The following KMT5B variants were observed in gnomAD, a reference collection of about 807,000 sequenced individuals.
KMT5B encodes histone-lysine N-methyltransferase KMT5B.
KMT5B carries 10 observed loss-of-function variants against 83.2 expected under a neutral mutation model. The ratio of observed to expected loss-of-function variants is 0.12; its 90% confidence interval spans 0.07 to 0.20. The LOEUF (loss-of-function observed/expected upper bound fraction) is 0.20. KMT5B is among the 10% of genes least tolerant of loss of function. The pLI is 1.00. For synonymous variants in KMT5B, 349 were observed against 388.8 expected, an observed-to-expected ratio of 0.90 and a Z score of 1.20; for missense variants, 753 against 1,067.2, an observed-to-expected ratio of 0.71 and a Z score of 4.10.
chr11:68,190,085 A>T lies in KMT5B; in HGVS notation c.-9T>A, dbSNP rs774129743. 6.2e-7 allele frequency: 1 copy of T among 1,612,930 alleles called. No homozygotes were observed. The highest frequency in any genetic ancestry group is 1.3e-5 in the African/African-American group (1 of 75,008). ...TCTCCCAACCACTTCATACCCACAG[A>T]CAGCCTGACCCAGGTGCATTTAGTC... On this transcript the variant is annotated 5_prime_UTR_variant, in exon 2 of 11. Coordinates refer to ENST00000304363, the MANE Select transcript of KMT5B (RefSeq NM_017635.5).
chr11:68,168,496 T>C (rs1163106961), intron 9 of KMT5B, among the ~76,000 whole-genome samples: 1 of 152,034 alleles, frequency 6.6e-6, no homozygotes, highest in Non-Finnish European at 1.5e-5. Flanking sequence ...CCACCACATC[T>C]GGCTAATTTT....
At chr11:68,212,014 T>C (rs1424248475) in intron 1 of KMT5B, among the ~76,000 whole-genome samples, 1 of 152,214 alleles carries the variant, frequency 6.6e-6, no homozygotes, top group East Asian at 1.9e-4. Flanking sequence ...AATTTATGTA[T>C]TTCAACATGC....
At position 68,189,869 on chromosome 11, in the gene KMT5B, C is replaced by T. The variant is rs374009379; in HGVS notation, c.160+48G>A. 2.0e-5 allele frequency: 31 copies of T among 1,549,308 alleles called. 1 individual carries two copies. The African/African-American group carries it at 3.6e-4, about 18-fold the overall frequency. ...ACACATTACAAACTGGAAAGAATTA[C>T]TACCCCATATCACAATCAGAACATT... On this transcript the variant is annotated intron_variant, in intron 2 of 10. Transcript: ENST00000304363.
intron 1 of KMT5B, among the ~76,000 whole-genome samples, chr11:68,208,375 C>G (rs1860442585): frequency 6.6e-6 from 1 of 151,734 alleles, no homozygotes; most frequent in Non-Finnish European, 1.5e-5. Context: ...TGAACCGGGA[C>G]CTGGGAGGTG....
chr11:68,194,992 C>T (rs1037126170), intron 1 of KMT5B, among the ~76,000 whole-genome samples: 17 of 151,976 alleles, frequency 1.1e-4, no homozygotes, highest in Non-Finnish European at 1.8e-4. Context: ...CTGGGCAACA[C>T]GGCAAGACCT....
chr11:68,156,835 GA>G lies in KMT5B; in HGVS notation c.*852del, dbSNP rs1859329438. 1 of 152,572 alleles carries G rather than the reference GA, an allele frequency of 6.6e-6. No individual in the cohort carries two copies. Among genetic ancestry groups the G allele is most frequent in the Non-Finnish European group, 1.5e-5 (1 of 68,016 alleles). 9.5% of individuals were successfully genotyped at this position (152,572 alleles called of 1,614,324 possible). Reference sequence around the variant, plus strand: ...ATTTTACAAGTGCAACAGAAAACTTGAAGAACCAAATTAAGATAGCTGTAGT... The same window carrying G: ...ATTTTACAAGTGCAACAGAAAACTTGAGAACCAAATTAAGATAGCTGTAGT... On this transcript the variant is annotated 3_prime_UTR_variant, in exon 11 of 11. Transcript: ENST00000304363.
At chr11:68,194,352 C>T (rs977776300) in intron 1 of KMT5B, among the ~76,000 whole-genome samples, 4 of 151,870 alleles carry the variant, frequency 2.6e-5, no homozygotes, top group Non-Finnish European at 5.9e-5. Flanking sequence ...CCACCATGCC[C>T]GCCTAATTTT....
At chr11:68,181,739 T>G (rs1460293938) in intron 3 of KMT5B, among the ~76,000 whole-genome samples, 2 of 152,240 alleles carry the variant, frequency 1.3e-5, no homozygotes, top group South Asian at 2.1e-4. Flanking sequence ...AGTTTTATTT[T>G]CAAGTAAATT....
chr11:68,167,042 C>G lies in KMT5B; in HGVS notation c.1114G>C (p.Asp372His). The change falls in exon 10 of 11, where the codon GAC becomes CAC. Residue 372 changes from aspartate to histidine, a missense_variant. Physicochemically the swap from Asp to His is moderately conservative, Grantham distance 81. Transcript: ENST00000304363. ...KKLGDSSKNS[D>H]SQSVSSNTDA... The stretch of plus-strand genomic sequence containing the variant: ...GTGTTAGAGCTGACAGATTGACTGT[C>G]TGAATTTTTGCTGCTGTCACCTAAC... 1 of 1,614,104 alleles carries G rather than the reference C, an allele frequency of 6.2e-7. No homozygotes were observed. Among genetic ancestry groups the G allele is most frequent in the Non-Finnish European group, 8.5e-7 (1 of 1,180,024 alleles).
intron 1 of KMT5B, among the ~76,000 whole-genome samples, chr11:68,191,763 G>A (rs1858104113): frequency 6.6e-6 from 1 of 152,112 alleles, no homozygotes; most frequent in Non-Finnish European, 1.5e-5. Flanking sequence ...AATTATTGAA[G>A]AAACATTTCA....
chr11:68,168,688 A>G lies in KMT5B; in HGVS notation c.978-1510T>C, dbSNP rs1218063018. Reference sequence around the variant, plus strand: ...TGTGCAGTACTTATGAACATATTACAATTACTACTGTCAGTACAGTGTAGC... The same window carrying G: ...TGTGCAGTACTTATGAACATATTACGATTACTACTGTCAGTACAGTGTAGC... On this transcript the variant is annotated intron_variant, in intron 9 of 10. Transcript: ENST00000304363. Among the ~76,000 whole-genome samples, 13 of 152,338 alleles carry G rather than the reference A, an allele frequency of 8.5e-5. 1 individual carries two copies. In the East Asian group the frequency reaches 2.5e-3, roughly 29 times the overall value.
chr11:68,195,944 T>C (rs1467850925), intron 1 of KMT5B, among the ~76,000 whole-genome samples: 1 of 152,100 alleles, frequency 6.6e-6, no homozygotes, highest in African/African-American at 2.4e-5. Flanking sequence ...ATCACTTGAA[T>C]CCAGGAGTTT....
Position 68,167,061 on chromosome 11 carries a change from A to C in KMT5B, c.1095T>G (p.Gly365=). The C allele has an allele frequency of 6.2e-7, 1 of 1,614,106 alleles. No individual in the cohort carries two copies. The highest frequency in any genetic ancestry group is 2.2e-5 in the East Asian group (1 of 44,882). The change falls in exon 10 of 11, where the codon GGT becomes GGG. Residue 365 remains glycine, a synonymous_variant. Transcript: ENST00000304363. ...DKRLNRLKKL[G]DSSKNSDSQS... is the part of the protein sequence containing the mutation. The stretch of plus-strand genomic sequence containing the variant: ...GACTGTCTGAATTTTTGCTGCTGTC[A>C]CCTAACTTTTTAAGCCTATTTAAAC...
intron 1 of KMT5B, among the ~76,000 whole-genome samples, chr11:68,195,059 T>C (rs951854874): frequency 6.6e-6 from 1 of 152,052 alleles, no homozygotes; most frequent in African/African-American, 2.4e-5. Context: ...TATGCACCTG[T>C]AGTTACACTC....
Position 68,157,905 on chromosome 11 carries a change from T to G in KMT5B, c.2441A>C (p.Glu814Ala), listed in dbSNP as rs1348565479. The change falls in exon 11 of 11, where the codon GAG (glutamate) becomes GCG (alanine). Residue 814 changes from glutamate to alanine, a missense_variant. Glu to Ala is a moderately radical substitution (Grantham distance 107). Transcript: ENST00000304363. The stretch of plus-strand genomic sequence containing the variant: ...CTCATACTGACTATAGTCATCCACC[T>G]CCATTCGAGACTCCAAGAGAGAAAG... ...DPLSLLESRM[E>A]VDDYSQYEEE... is the part of the protein sequence containing the mutation. 1.2e-6 allele frequency: 2 copies of G among 1,613,976 alleles called. No homozygotes were observed. The highest frequency in any genetic ancestry group is 2.2e-5 in the South Asian group (2 of 91,078).
At chr11:68,210,144 CG>C (rs1254587339) in intron 1 of KMT5B, among the ~76,000 whole-genome samples, 1 of 152,126 alleles carries the variant, frequency 6.6e-6, no homozygotes, top group African/African-American at 2.4e-5. Context: ...CGTACCCGGC[CG>C]GTACTGTTTT....
Position 68,156,854 on chromosome 11 carries a change from G to A in KMT5B, c.*834C>T, listed in dbSNP as rs969433100. 1.3e-5 allele frequency: 2 copies of A among 152,564 alleles called. No individual in the cohort carries two copies. Among genetic ancestry groups the A allele is most frequent in the African/African-American group, 4.8e-5 (2 of 41,408 alleles). The allele number at this position is 152,564 out of a possible 1,614,324, so 9.5% of individuals were successfully genotyped here. A position where few individuals can be genotyped will look rare whatever the true frequency, so the allele number is the denominator to read the frequency against. On this transcript the variant is annotated 3_prime_UTR_variant, in exon 11 of 11. Coordinates refer to ENST00000304363, the MANE Select transcript of KMT5B (RefSeq NM_017635.5). The stretch of plus-strand genomic sequence containing the variant: ...AAACTTGAAGAACCAAATTAAGATA[G>A]CTGTAGTTCATTAGATAAATGTTGC...
At position 68,156,252 on chromosome 11, in the gene KMT5B, C is replaced by T. The variant is rs1859288954; in HGVS notation, c.*1436G>A. The T allele has an allele frequency of 6.6e-6, 1 of 152,468 alleles. No individual in the cohort carries two copies. The highest frequency in any genetic ancestry group is 2.1e-4 in the South Asian group (1 of 4,834). 9.4% of individuals were successfully genotyped at this position (152,468 alleles called of 1,614,324 possible). On this transcript the variant is annotated 3_prime_UTR_variant, in exon 11 of 11. Transcript: ENST00000304363. ...TACACATTTCCCAGAAATAAAGAGA[C>T]CTACTGGTGTCAAACACCTGTTACA...
chr11:68,170,832 CCA>C (rs1022805578), intron 9 of KMT5B, among the ~76,000 whole-genome samples, 181 bp downstream of exon 9: 17 of 152,098 alleles, frequency 1.1e-4, no homozygotes, highest in African/African-American at 3.6e-4. Flanking sequence ...GAGGGACATT[CCA>C]ATGTCCCTAA....
Sources: gnomAD v4.1 joint callset for allele counts (sites outside exome capture counted in the v4.1 genomes callset) on GRCh38, gnomAD v4.1.1 for gene constraint, MANE v1.5 for transcripts, NCBI Gene and HGNC (gene_info 2026-07-23, HGNC 2026-07-21) for gene names.